Variants in NXPE4 observed in about 807,000 individuals in gnomAD.
NXPE4 encodes the protein neurexophilin and PC-esterase domain family member 4, also known as NXPE family member 4.
In NXPE4, 42 loss-of-function variants were observed where a neutral mutation model predicts 33.3. That is an observed-to-expected ratio of 1.26 (90% CI 0.98 to 1.63). The LOEUF (loss-of-function observed/expected upper bound fraction) is 1.63, where lower values mean the gene tolerates loss of function less well. NXPE4 is among the 40% of genes most tolerant of loss of function. The pLI is 0.00. For synonymous variants in NXPE4, 253 were observed against 234.9 expected (o/e 1.08, Z -0.71); for missense variants, 709 against 647.6 (o/e 1.09, Z -1.03).
In NXPE4 at chr11:114,593,825, C is replaced by T. The variant is rs531764397; in HGVS notation, c.96+839G>A. Reference sequence around the variant, plus strand: ...AAGAAAATATGGTATATATACACAACGGAGTAGTATTCAGTTATAAAAAGA... The same window carrying T: ...AAGAAAATATGGTATATATACACAATGGAGTAGTATTCAGTTATAAAAAGA... On this transcript the variant is annotated intron_variant, in intron 2 of 5. Transcript: ENST00000375478. 1.6e-4 allele frequency among the ~76,000 whole-genome samples: 24 copies of T among 152,086 alleles called. No individual in the cohort carries two copies. The East Asian group carries it at 3.1e-3, about 20-fold the overall frequency.
At chr11:114,578,283 T>C (rs1949060906) in intron 5 of NXPE4, among the ~76,000 whole-genome samples, 1 of 152,186 alleles carries the variant, frequency 6.6e-6, no homozygotes, top group Non-Finnish European at 1.5e-5. Flanking sequence ...AGTTTTCTTT[T>C]CCAAATCACA....
Position 114,582,547 on chromosome 11 carries a change from G to A in NXPE4, c.571C>T (p.Leu191Phe). The change falls in exon 3 of 6, where the codon CTC becomes TTC. Residue 191 changes from leucine to phenylalanine, a missense_variant. Leu to Phe is a conservative substitution (Grantham distance 22). Transcript: ENST00000375478. ...TAGCCTTGGTTCCTTGCACTCCAGA[G>A]AGCTGACACCCCTTCACTGGGGTGG... ...LIHPSEGVSA[L>F]WSARNQGYDR... 1 of 1,614,152 alleles carries A rather than the reference G, an allele frequency of 6.2e-7. No homozygotes were observed. Among genetic ancestry groups the A allele is most frequent in the Admixed American group, 1.7e-5 (1 of 60,030 alleles).
the NXPE4 span, among the ~76,000 whole-genome samples, chr11:114,653,533 CTT>C: frequency 4.5e-3 from 467 of 103,498 alleles, 3 homozygotes; most frequent in Middle Eastern, 0.015. Flanking sequence ...CCTGCTTTCC[CTT>C]TTTTTTTTTT....
upstream of NXPE4, among the ~76,000 whole-genome samples, chr11:114,598,178 AC>A (rs903504465): frequency 1.4e-5 from 2 of 137,952 alleles, no homozygotes; most frequent in Admixed American, 7.3e-5. Context: ...AAGAGCAGTC[AC>A]TAAACTTCAG....
chr11:114,650,696 T>C, the NXPE4 span, among the ~76,000 whole-genome samples: 1 of 152,016 alleles, frequency 6.6e-6, no homozygotes, highest in Non-Finnish European at 1.5e-5. Flanking sequence ...GCTACCATCA[T>C]AAGTAGGGCA....
Position 114,582,839 on chromosome 11 carries a change from G to A in NXPE4, c.279C>T (p.Thr93=). ...CTGTGCTATGTGTGGCGCTGGTGGTGGTGTTCACGTGGGTGAAAGGTCTGG... is the reference window on the plus strand; with the variant it reads ...CTGTGCTATGTGTGGCGCTGGTGGTAGTGTTCACGTGGGTGAAAGGTCTGG... ...IPPRPFTHVN[T]TTSATHSTAT... The change falls in exon 3 of 6, where the codon ACC becomes ACT. Residue 93 remains threonine (T), a synonymous_variant. Coordinates refer to ENST00000375478, the MANE Select transcript of NXPE4 (RefSeq NM_001077639.2). 1 of 1,614,170 alleles carries A rather than the reference G, an allele frequency of 6.2e-7. No individual in the cohort carries two copies. The highest frequency in any genetic ancestry group is 1.1e-5 in the South Asian group (1 of 91,084).
the NXPE4 span, among the ~76,000 whole-genome samples, chr11:114,637,777 T>C: frequency 1.0e-3 from 152 of 152,064 alleles, 1 homozygote; most frequent in Admixed American, 8.3e-3. Flanking sequence ...TCTTTAAGAA[T>C]GTTGAATATT....
At chr11:114,597,085 A>G (rs1949581560), upstream of NXPE4, among the ~76,000 whole-genome samples, 1 of 144,486 alleles carries the variant, frequency 6.9e-6, no homozygotes, top group Non-Finnish European at 1.5e-5. Flanking sequence ...TCTTTATACC[A>G]TGTGTGAATT....
chr11:114,601,337 T>C, the NXPE4 span, among the ~76,000 whole-genome samples: 2 of 148,552 alleles, frequency 1.3e-5, no homozygotes, highest in African/African-American at 2.5e-5. Context: ...AGTGAGAATA[T>C]GTGGTATTTG....
At chr11:114,590,721 T>G (rs1217023966) in intron 2 of NXPE4, among the ~76,000 whole-genome samples, 1 of 152,162 alleles carries the variant, frequency 6.6e-6, no homozygotes, top group Admixed American at 6.5e-5. Context: ...AGTAAGAAAC[T>G]TGATTTGCAG....
the NXPE4 span, among the ~76,000 whole-genome samples, chr11:114,601,625 T>C: frequency 2.8e-5 from 1 of 35,744 alleles, no homozygotes; most frequent in Non-Finnish European, 5.6e-5. Flanking sequence ...ATATATTATA[T>C]ATTATTTATA....
chr11:114,639,366 C>T, the NXPE4 span, among the ~76,000 whole-genome samples: 2 of 152,034 alleles, frequency 1.3e-5, 1 homozygote, highest in Non-Finnish European at 2.9e-5. Context: ...CAGGTGCCGT[C>T]TGTTACCCCT....
chr11:114,582,038 G>A (rs1306897667), intron 3 of NXPE4, among the ~76,000 whole-genome samples: 1 of 152,158 alleles, frequency 6.6e-6, no homozygotes, highest in East Asian at 1.9e-4. Context: ...ACACACATGT[G>A]CATTTCTCAT....
chr11:114,619,845 C>G, the NXPE4 span, among the ~76,000 whole-genome samples: 1 of 151,648 alleles, frequency 6.6e-6, no homozygotes, highest in African/African-American at 2.4e-5. Flanking sequence ...CGTTGGTAAC[C>G]AGTGTTACCC....
At chr11:114,617,335 T>C in the NXPE4 span, among the ~76,000 whole-genome samples, 2 of 152,096 alleles carry the variant, frequency 1.3e-5, no homozygotes, top group Non-Finnish European at 2.9e-5. Flanking sequence ...TAACCACTCT[T>C]ACCTGGTGGA....
At chr11:114,646,482 G>A in the NXPE4 span, among the ~76,000 whole-genome samples, 1 of 151,984 alleles carries the variant, frequency 6.6e-6, no homozygotes, top group East Asian at 1.9e-4. Context: ...ATTTCATCAT[G>A]AGGTTAAGAT....
the NXPE4 span, among the ~76,000 whole-genome samples, chr11:114,629,679 C>T: frequency 6.6e-5 from 10 of 151,932 alleles, no homozygotes; most frequent in Non-Finnish European, 1.3e-4. Flanking sequence ...AGGGCAATTA[C>T]ATAGGAGAAG....
the NXPE4 span, among the ~76,000 whole-genome samples, chr11:114,633,205 T>C: frequency 1.5e-5 from 2 of 132,628 alleles, no homozygotes; most frequent in Non-Finnish European, 3.1e-5. Context: ...TGTATAAACA[T>C]GTATATTACA....
chr11:114,632,207 ATATATG>A, the NXPE4 span, among the ~76,000 whole-genome samples: 1 of 141,306 alleles, frequency 7.1e-6, no homozygotes, highest in African/African-American at 2.6e-5. Flanking sequence ...TATACATATT[ATATATG>A]TATATGTATA....
Sources: allele counts gnomAD v4.1 joint callset (sites outside exome capture counted in the v4.1 genomes callset), GRCh38; gene constraint gnomAD v4.1.1; transcripts MANE v1.5; gene names NCBI Gene and HGNC (gene_info 2026-07-23, HGNC 2026-07-21).